ANKRD45: variants seen among roughly 807,000 people sequenced by gnomAD.
The protein encoded by ANKRD45 is ankyrin repeat domain 45.
A neutral mutation model predicts 28.1 loss-of-function variants in ANKRD45; 21 were observed. That is an observed-to-expected ratio of 0.75 (90% CI 0.53 to 1.08). ANKRD45 has a LOEUF of 1.08. Among genes scored for constraint, ANKRD45 ranks in the 50% least tolerant of loss-of-function variants. The pLI, the probability that ANKRD45 is intolerant of heterozygous loss-of-function variation, is 0.00. For missense variants in ANKRD45, 261 were observed against 308.7 expected (o/e 0.85, Z 1.16); for synonymous variants, 86 against 103.9 (o/e 0.83, Z 1.05).
chr1:173,688,049 C>T, the ANKRD45 span, among the ~76,000 whole-genome samples: 96 of 147,490 alleles, frequency 6.5e-4, 1 homozygote, highest in African/African-American at 2.2e-3. Context: ...AAGCAGTTGT[C>T]GCTACAGATT....
intron 5 of ANKRD45, among the ~76,000 whole-genome samples, chr1:173,623,046 T>A (rs1571698199): frequency 6.6e-6 from 1 of 151,570 alleles, no homozygotes; most frequent in African/African-American, 2.4e-5. Context: ...CTGGGCATGG[T>A]GGCTCATGCC....
rs558394198 is a variant in ANKRD45 at position 173,628,932 on chromosome 1, C to CAG, written c.497-1775_497-1774dup. Among the ~76,000 whole-genome samples, 4 of 152,226 alleles carry CAG rather than the reference C, an allele frequency of 2.6e-5. No individual in the cohort carries two copies. In the South Asian group the frequency reaches 6.2e-4, roughly 24 times the overall value. ...TCCCCCAGTTCTAGGCAGCTCAGCACAGAGAGAGAGACTCTGTTTATTGAG... is the reference window on the plus strand; with the variant it reads ...TCCCCCAGTTCTAGGCAGCTCAGCACAGAGAGAGAGAGACTCTGTTTATTGAG... On this transcript the variant is annotated intron_variant, in intron 3 of 5. Transcript: ENST00000333279.
intron 5 of ANKRD45, among the ~76,000 whole-genome samples, chr1:173,618,166 G>A (rs954525943): frequency 2.0e-5 from 3 of 152,150 alleles, no homozygotes; most frequent in Non-Finnish European, 2.9e-5. Flanking sequence ...AAAACTCAAA[G>A]GTAGATAAGC....
chr1:173,614,264 A>AT (rs944201819), intron 5 of ANKRD45, among the ~76,000 whole-genome samples: 3 of 150,960 alleles, frequency 2.0e-5, no homozygotes, highest in Non-Finnish European at 4.4e-5. Flanking sequence ...AGAATGATCA[A>AT]TAAAAAAAAA....
the ANKRD45 span, among the ~76,000 whole-genome samples, chr1:173,706,242 C>T: frequency 2.2e-5 from 3 of 135,122 alleles, no homozygotes; most frequent in East Asian, 2.5e-4. Context: ...GTGGAGGTTG[C>T]GATGAGCTGA....
intron 2 of ANKRD45, among the ~76,000 whole-genome samples, chr1:173,649,754 T>G (rs1364445689): frequency 1.3e-5 from 2 of 152,218 alleles, no homozygotes; most frequent in African/African-American, 4.8e-5. Flanking sequence ...TCAGAAAGTT[T>G]AAAATATTTT....
the ANKRD45 span, among the ~76,000 whole-genome samples, chr1:173,689,018 AT>A: frequency 2.6e-5 from 4 of 152,192 alleles, 1 homozygote; most frequent in South Asian, 8.3e-4. Context: ...TGATAAGCTC[AT>A]GTTTAGGGCC....
chr1:173,619,607 C>T (rs1045135703), intron 5 of ANKRD45, among the ~76,000 whole-genome samples: 2 of 152,036 alleles, frequency 1.3e-5, no homozygotes, highest in African/African-American at 2.4e-5. Flanking sequence ...ATGGGTGGAT[C>T]ACCTGAGGTC....
At chr1:173,678,233 T>A in the ANKRD45 span, among the ~76,000 whole-genome samples, 1 of 152,162 alleles carries the variant, frequency 6.6e-6, no homozygotes, top group Non-Finnish European at 1.5e-5. Flanking sequence ...ATCATCCTGA[T>A]ACAAAAACCT....
chr1:173,651,928 T>A (rs2102371198), intron 2 of ANKRD45, among the ~76,000 whole-genome samples: 1 of 152,348 alleles, frequency 6.6e-6, no homozygotes, highest in East Asian at 1.9e-4. Context: ...ATGCTTGTGA[T>A]TTTTGCACAT....
At chr1:173,632,821 C>A (rs891520538) in intron 3 of ANKRD45, among the ~76,000 whole-genome samples, 5 of 151,952 alleles carry the variant, frequency 3.3e-5, no homozygotes, top group Admixed American at 2.6e-4. Flanking sequence ...TAAAAATCCT[C>A]AAAAAACTGG....
the ANKRD45 span, among the ~76,000 whole-genome samples, chr1:173,714,338 A>T: frequency 6.6e-6 from 1 of 152,174 alleles, no homozygotes; most frequent in South Asian, 2.1e-4. Context: ...AAATTTTTTT[A>T]AGAAAATATA....
the ANKRD45 span, among the ~76,000 whole-genome samples, chr1:173,677,785 C>T: frequency 6.6e-6 from 1 of 151,644 alleles, no homozygotes; most frequent in East Asian, 1.9e-4. Context: ...TAAAAAAAAA[C>T]AATTATCAGG....
chr1:173,640,985 A>G (rs959978239), intron 3 of ANKRD45, among the ~76,000 whole-genome samples: 1 of 152,056 alleles, frequency 6.6e-6, no homozygotes, highest in African/African-American at 2.4e-5. Context: ...GTTCACTTCT[A>G]TGGTATGGGG....
the ANKRD45 span, among the ~76,000 whole-genome samples, chr1:173,705,472 G>C: frequency 6.6e-6 from 1 of 151,056 alleles, no homozygotes; most frequent in Non-Finnish European, 1.5e-5. Context: ...AGACCAGCCT[G>C]GGTACCACGG....
chr1:173,646,270 T>G (rs1467398929), intron 3 of ANKRD45, among the ~76,000 whole-genome samples: 1 of 152,126 alleles, frequency 6.6e-6, no homozygotes, highest in Non-Finnish European at 1.5e-5. Flanking sequence ...ACAAAAACCA[T>G]GCATACAGCT....
intron 5 of ANKRD45, among the ~76,000 whole-genome samples, chr1:173,615,585 A>C (rs774180505): frequency 2.0e-5 from 3 of 152,174 alleles, no homozygotes; most frequent in Non-Finnish European, 4.4e-5. Context: ...GTGACTTTAA[A>C]TAGAAAAAAA....
chr1:173,631,503 A>G (rs1668194964), intron 3 of ANKRD45, among the ~76,000 whole-genome samples: 1 of 152,208 alleles, frequency 6.6e-6, no homozygotes, highest in Non-Finnish European at 1.5e-5. Context: ...AGATATTTAC[A>G]GAACATTTCA....
intron 3 of ANKRD45, among the ~76,000 whole-genome samples, chr1:173,628,169 C>T (rs1354114051): frequency 2.0e-5 from 3 of 151,600 alleles, no homozygotes; most frequent in Non-Finnish European, 1.5e-5. Flanking sequence ...GACTCAGAGC[C>T]ATGCTGGCTT....
Sources: allele counts gnomAD v4.1 joint callset (sites outside exome capture counted in the v4.1 genomes callset), GRCh38; gene constraint gnomAD v4.1.1; transcripts MANE v1.5; gene names NCBI Gene and HGNC (gene_info 2026-07-23, HGNC 2026-07-21).